The following FER1L6 variants were observed in gnomAD, a reference collection of about 807,000 sequenced individuals.
FER1L6 encodes fer-1 like family member 6, also known as fer-1-like protein 6.
A neutral mutation model predicts 219.2 loss-of-function variants in FER1L6; 177 were observed. The observed-to-expected ratio is 0.81, with a 90% CI of 0.71 to 0.91. FER1L6 has a LOEUF of 0.91. Ranked by LOEUF, FER1L6 falls within the 40% of genes least tolerant of loss-of-function variation. FER1L6 has a pLI of 0.00. For missense variants in FER1L6, 2,153 were observed against 2,259.9 expected (o/e 0.95, Z 0.96); for synonymous variants, 768 against 824.3 (o/e 0.93, Z 1.17).
intron 1 of FER1L6, among the ~76,000 whole-genome samples, chr8:123,870,199 A>G (rs6470196): frequency 0.55 from 83,630 of 152,034 alleles, 23,865 homozygotes; most frequent in African/African-American, 0.68. Flanking sequence ...AATGTTGCTG[A>G]TGAAAATGTA....
At chr8:123,859,967 T>TTAC (rs1816716029) in intron 1 of FER1L6, among the ~76,000 whole-genome samples, 1 of 130,138 alleles carries the variant, frequency 7.7e-6, no homozygotes, top group African/African-American at 2.7e-5. Context: ...ATTATTATTA[T>TTAC]TACTATTATT....
In FER1L6 at chr8:124,069,345, G is replaced by C. The variant is rs1024693603; in HGVS notation, c.3719-15G>C. 3.1e-5 allele frequency: 50 copies of C among 1,590,082 alleles called. 1 individual carries two copies. Among genetic ancestry groups the C allele is most frequent in the Non-Finnish European group, 3.9e-5 (45 of 1,160,352 alleles). On this transcript the variant is annotated splice_polypyrimidine_tract_variant and intron_variant, in intron 28 of 40. Coordinates refer to ENST00000522917, the MANE Select transcript of FER1L6 (RefSeq NM_001039112.2). ...AACCGCCATGAGAAACCTAATTTCT[G>C]CTGAATATCCACAGAGGCAAAGCCA...
At position 124,064,446 on chromosome 8, in the gene FER1L6, C is replaced by T. The variant is rs1439792006; in HGVS notation, c.3428C>T (p.Pro1143Leu). Residue 1143 changes from proline to leucine, a missense_variant, in exon 26 of 41, where the codon CCC becomes CTC. By Grantham distance (98) the Pro-to-Leu change is moderately conservative. Transcript: ENST00000522917. ...ATTTATGTGGATGTTGAGCCACCTC[C>T]CACAGTGGTGCCCGACTCTGCCCAG... is the stretch of plus-strand genomic sequence containing the variant. ...DHIYVDVEPP[P>L]TVVPDSAQAQ... The T allele has an allele frequency of 6.2e-7, 1 of 1,613,886 alleles. No homozygotes were observed. The highest frequency in any genetic ancestry group is 8.5e-7 in the Non-Finnish European group (1 of 1,179,966).
At chr8:123,978,383 A>T (rs959572154) in intron 10 of FER1L6, among the ~76,000 whole-genome samples, 3 of 152,152 alleles carry the variant, frequency 2.0e-5, no homozygotes, top group African/African-American at 7.2e-5. Flanking sequence ...ACTTTGAGCC[A>T]GGGTGGGAGC....
intron 2 of FER1L6, among the ~76,000 whole-genome samples, 199 bp downstream of exon 2, chr8:123,956,273 G>A (rs528573693): frequency 2.0e-5 from 3 of 152,352 alleles, no homozygotes; most frequent in African/African-American, 7.2e-5. Context: ...GGCCAAACAG[G>A]TGAGTGGGCA....
intron 1 of FER1L6, among the ~76,000 whole-genome samples, chr8:123,888,706 G>A (rs1414860751): frequency 6.6e-6 from 1 of 152,136 alleles, no homozygotes; most frequent in African/African-American, 2.4e-5. Flanking sequence ...TTTGGGTTAG[G>A]AAAGTTCAGC....
intron 12 of FER1L6, among the ~76,000 whole-genome samples, chr8:123,999,130 G>C (rs187022547): frequency 6.6e-6 from 1 of 152,124 alleles, no homozygotes; most frequent in East Asian, 1.9e-4. Context: ...AAACAGAAGG[G>C]GTTTCTCCCC....
chr8:124,066,305 A>T, intron 26 of FER1L6, 123 bp from the exon 27 acceptor site: 18 of 1,062,670 alleles, frequency 1.7e-5, no homozygotes, highest in Non-Finnish European at 2.3e-5. Context: ...TCACAAAACC[A>T]GTGGATACCT....
chr8:123,971,093 AG>A (rs1334282521), intron 6 of FER1L6, among the ~76,000 whole-genome samples: 1 of 152,230 alleles, frequency 6.6e-6, no homozygotes, highest in Non-Finnish European at 1.5e-5. Context: ...CAGAATTGTG[AG>A]GATGACAAAA....
At chr8:124,096,900 T>C (rs1186701780) in intron 35 of FER1L6, among the ~76,000 whole-genome samples, 2 of 152,006 alleles carry the variant, frequency 1.3e-5, no homozygotes, top group Admixed American at 1.3e-4. Context: ...GGCAAAATGT[T>C]TTTTCCTCTG....
At chr8:123,923,055 G>T (rs1161637759) in intron 1 of FER1L6, among the ~76,000 whole-genome samples, 1 of 152,088 alleles carries the variant, frequency 6.6e-6, no homozygotes, top group African/African-American at 2.4e-5. Context: ...AGGGGCTGTT[G>T]CTCACCACAT....
At chr8:123,888,548 G>T (rs976635995) in intron 1 of FER1L6, among the ~76,000 whole-genome samples, 1 of 152,188 alleles carries the variant, frequency 6.6e-6, no homozygotes, top group Non-Finnish European at 1.5e-5. Context: ...GTTGGGTCTG[G>T]TCAGTAGGTT....
At chr8:123,871,710 G>C (rs913313319) in intron 1 of FER1L6, among the ~76,000 whole-genome samples, 1 of 152,186 alleles carries the variant, frequency 6.6e-6, no homozygotes, top group Non-Finnish European at 1.5e-5. Context: ...CTCCTTAAGA[G>C]TGAAGTGTGC....
At chr8:123,976,332 C>G (rs1816071597) in intron 9 of FER1L6, among the ~76,000 whole-genome samples, 1 of 152,066 alleles carries the variant, frequency 6.6e-6, no homozygotes, top group Non-Finnish European at 1.5e-5. Context: ...AAAACCCTGT[C>G]TCAACTAAAA....
chr8:123,949,099 G>T (rs763547203), intron 1 of FER1L6, among the ~76,000 whole-genome samples: 2 of 152,188 alleles, frequency 1.3e-5, no homozygotes, highest in Non-Finnish European at 2.9e-5. Context: ...TCTCAGGAAA[G>T]CTTCAAAAGG....
intron 13 of FER1L6, among the ~76,000 whole-genome samples, chr8:124,007,255 A>G (rs1699204500): frequency 6.6e-6 from 1 of 152,010 alleles, no homozygotes; most frequent in African/African-American, 2.4e-5. Context: ...TTTTGGAATG[A>G]AAACAAATGT....
At position 124,049,705 on chromosome 8, in the gene FER1L6, T is replaced by G. The variant is rs1318699666; in HGVS notation, c.2823T>G (p.Phe941Leu). Reference protein sequence around the residue: ...EPPRLCYHPIFCGNLSGGDLL... With the variant: ...EPPRLCYHPILCGNLSGGDLL... ...CCAGGTTATGCTATCACCCCATCTT[T>G]TGTGGGAATCTCTCTGGAGGGGATC... is the stretch of plus-strand genomic sequence containing the variant. Residue 941 changes from phenylalanine to leucine, a missense_variant, in exon 22 of 41, where the codon TTT becomes TTG. Physicochemically the swap from Phe to Leu is conservative, Grantham distance 22 (BLOSUM62 0). Coordinates refer to ENST00000522917, the MANE Select transcript of FER1L6 (RefSeq NM_001039112.2). 6.2e-7 allele frequency: 1 copy of G among 1,614,098 alleles called. No homozygotes were observed. The highest frequency in any genetic ancestry group is 1.7e-5 in the Admixed American group (1 of 60,022).
chr8:124,092,173 T>C (rs550360630), intron 34 of FER1L6, among the ~76,000 whole-genome samples: 2 of 152,292 alleles, frequency 1.3e-5, no homozygotes, highest in South Asian at 4.1e-4. Context: ...GCCCAGCTTT[T>C]AAAATTTCCA....
intron 1 of FER1L6, among the ~76,000 whole-genome samples, chr8:123,903,916 A>G (rs1053043560): frequency 6.6e-6 from 1 of 152,178 alleles, no homozygotes; most frequent in African/African-American, 2.4e-5. Context: ...GGGATTTGAC[A>G]ATTTAATTAA....
Sources: allele counts gnomAD v4.1 joint callset (sites outside exome capture counted in the v4.1 genomes callset), GRCh38; gene constraint gnomAD v4.1.1; transcripts MANE v1.5; gene names NCBI Gene and HGNC (gene_info 2026-07-23, HGNC 2026-07-21).